The following KIAA0513 variants were observed in gnomAD, a reference collection of about 807,000 sequenced individuals.
KIAA0513 encodes the protein KIAA0513.
Under a neutral mutation model 56.5 loss-of-function variants are expected in KIAA0513, and 39 were observed. The observed-to-expected ratio is 0.69, with a 90% CI of 0.53 to 0.90. KIAA0513 has a LOEUF of 0.90. KIAA0513 is among the 40% of genes least tolerant of loss of function. The pLI is 0.00. For missense variants in KIAA0513, 591 were observed against 535.2 expected (o/e 1.10, Z -1.03); for synonymous variants, 268 against 215.6 (o/e 1.24, Z -2.13).
At chr16:85,032,015 G>C (rs1229390267) in intron 1 of KIAA0513, among the ~76,000 whole-genome samples, 1 of 152,120 alleles carries the variant, frequency 6.6e-6, no homozygotes, top group African/African-American at 2.4e-5. Flanking sequence ...AAAGAACCAC[G>C]CACTGGGGCT....
chr16:85,056,377 G>A (rs1178869630), intron 1 of KIAA0513, among the ~76,000 whole-genome samples: 3 of 152,192 alleles, frequency 2.0e-5, no homozygotes, highest in Non-Finnish European at 4.4e-5. Context: ...AAGCCCGTCA[G>A]TAAGTTCCCC....
intron 1 of KIAA0513, among the ~76,000 whole-genome samples, chr16:85,039,555 C>T (rs947032193): frequency 6.6e-5 from 10 of 152,238 alleles, no homozygotes; most frequent in African/African-American, 1.9e-4. Flanking sequence ...ACTCCCACCT[C>T]AGCCTCCTGA....
intron 1 of KIAA0513, among the ~76,000 whole-genome samples, chr16:85,030,742 T>TAAAAAAAAAAAAAAAAACA (rs56905897): frequency 7.4e-6 from 1 of 134,280 alleles, no homozygotes. Flanking sequence ...AGACTCCATC[T>TAAAAAAAAAAAAAAAAACA]AAAAAAAAAA....
chr16:85,056,069 A>AC (rs1289018866), intron 1 of KIAA0513, among the ~76,000 whole-genome samples: 1 of 152,122 alleles, frequency 6.6e-6, no homozygotes, highest in South Asian at 2.1e-4. Context: ...TTCAGCCCAG[A>AC]CCCCCCTGAA....
chr16:85,067,299 G>A lies in KIAA0513; in HGVS notation c.228G>A (p.Glu76=), dbSNP rs1418043133. 2 of 1,612,936 alleles carry A rather than the reference G, an allele frequency of 1.2e-6. No individual in the cohort carries two copies. Among genetic ancestry groups the A allele is most frequent in the African/African-American group, 2.7e-5 (2 of 74,826 alleles). The stretch of plus-strand genomic sequence containing the variant: ...AAGACCGCCGTTCCTCCTCCAACGA[G>A]TCCTTCTCCTCCAACCAGAGCACCG... ...WDQDRRSSSN[E]SFSSNQSTES... is the part of the protein sequence containing the mutation. Residue 76 remains glutamate (E), a synonymous_variant, in exon 2 of 13, where the codon GAG becomes GAA. Transcript: ENST00000683363.
At chr16:85,082,323 AC>A (rs35579504) in intron 9 of KIAA0513, among the ~76,000 whole-genome samples, 5 of 151,748 alleles carry the variant, frequency 3.3e-5, no homozygotes, top group Non-Finnish European at 1.5e-5. Flanking sequence ...GCCTCGAGAG[AC>A]CCCGCTGTGC....
chr16:85,056,000 G>C (rs2073323607), intron 1 of KIAA0513, among the ~76,000 whole-genome samples: 1 of 152,184 alleles, frequency 6.6e-6, no homozygotes, highest in South Asian at 2.1e-4. Context: ...CCTTGCCAGT[G>C]CTGCAGCTCA....
chr16:85,057,526 G>A (rs1420819271), intron 1 of KIAA0513, among the ~76,000 whole-genome samples: 6 of 152,172 alleles, frequency 3.9e-5, no homozygotes, highest in Non-Finnish European at 7.3e-5. Flanking sequence ...CTGGCACTGT[G>A]AGTTTTCAAC....
chr16:85,034,543 C>T (rs1048447905), intron 1 of KIAA0513, among the ~76,000 whole-genome samples: 2 of 151,956 alleles, frequency 1.3e-5, no homozygotes, highest in African/African-American at 4.8e-5. Context: ...TAGTCTTGTG[C>T]CTTAGACTTC....
chr16:85,076,665 C>G lies in KIAA0513; in HGVS notation c.574+751C>G, dbSNP rs1372380306. ...CCCTCCCACAGCCATCCTCTCCGCA[C>G]CCCTCAGTTCAGTTGGTCCAACTGC... On this transcript the variant is annotated intron_variant, in intron 5 of 12. Transcript: ENST00000683363. The surrounding 1 kb of genome is among the most constrained non-coding windows in gnomAD (Gnocchi z 4.7). Among the ~76,000 whole-genome samples the G allele has an allele frequency of 1.3e-5, 2 of 152,174 alleles. No homozygotes were observed. The highest frequency in any genetic ancestry group is 2.9e-5 in the Non-Finnish European group (2 of 68,022).
chr16:85,034,176 C>T (rs1294327494), intron 1 of KIAA0513, among the ~76,000 whole-genome samples: 19 of 152,006 alleles, frequency 1.2e-4, no homozygotes, highest in Admixed American at 6.6e-4. Context: ...GTCAGGAGTT[C>T]GAGACCAGCC....
intron 1 of KIAA0513, among the ~76,000 whole-genome samples, chr16:85,039,293 C>CT (rs370427236): frequency 1.3e-5 from 2 of 152,146 alleles, no homozygotes; most frequent in African/African-American, 4.8e-5. Context: ...CATCAAAGGT[C>CT]TGTATGATTA....
At chr16:85,032,831 C>T (rs772977392) in intron 1 of KIAA0513, among the ~76,000 whole-genome samples, 11 of 152,040 alleles carry the variant, frequency 7.2e-5, no homozygotes, top group East Asian at 5.8e-4. Context: ...AGGGTTTCAC[C>T]GTGTTAGCCA....
chr16:85,066,964 C>T lies in KIAA0513; in HGVS notation c.-108C>T, dbSNP rs934437451. 5.3e-6 allele frequency: 5 copies of T among 946,654 alleles called. No individual in the cohort carries two copies. The East Asian group carries it at 1.0e-4, about 20-fold the overall frequency. The allele number at this position is 946,654 out of a possible 1,614,324, so 58.6% of individuals were successfully genotyped here. On this transcript the variant is annotated 5_prime_UTR_variant, in exon 2 of 13. Coordinates refer to ENST00000683363, the MANE Select transcript of KIAA0513 (RefSeq NM_001388359.1). ...CTTGGTAGCCGGCAGTTACTGGCAA[C>T]TTGTGAGCTTGGTGGGCTCCTACTA...
At chr16:85,054,099 G>A (rs2073293739) in intron 1 of KIAA0513, among the ~76,000 whole-genome samples, 3 of 152,170 alleles carry the variant, frequency 2.0e-5, no homozygotes, top group South Asian at 4.2e-4. Context: ...GGTGGAGGTT[G>A]CAGTGAGCTG....
chr16:85,055,875 C>G (rs748921841), intron 1 of KIAA0513, among the ~76,000 whole-genome samples: 6 of 152,188 alleles, frequency 3.9e-5, no homozygotes, highest in Non-Finnish European at 5.9e-5. Context: ...AGCCAGCCTC[C>G]CAACAAGCGT....
At chr16:85,054,645 G>C (rs2073302619) in intron 1 of KIAA0513, among the ~76,000 whole-genome samples, 1 of 151,856 alleles carries the variant, frequency 6.6e-6, no homozygotes, top group Non-Finnish European at 1.5e-5. Flanking sequence ...AGCCAAGCTG[G>C]TCTCGAACTC....
At chr16:85,047,236 C>G (rs1185152072) in intron 1 of KIAA0513, among the ~76,000 whole-genome samples, 2 of 152,230 alleles carry the variant, frequency 1.3e-5, no homozygotes, top group African/African-American at 4.8e-5. Flanking sequence ...CATGCTCCGT[C>G]CTAACCTTCA....
intron 10 of KIAA0513, 41 bp downstream of exon 10, chr16:85,082,634 G>C: frequency 1.9e-6 from 3 of 1,609,840 alleles, no homozygotes; most frequent in Non-Finnish European, 2.6e-6. Context: ...TTACAGTGCG[G>C]GCTCCTGCGA....
Sources: gnomAD v4.1 joint callset for allele counts (sites outside exome capture counted in the v4.1 genomes callset) on GRCh38, gnomAD v4.1.1 for gene constraint, Gnocchi (gnomAD v3.1) non-coding constraint, MANE v1.5 for transcripts, NCBI Gene and HGNC (gene_info 2026-07-23, HGNC 2026-07-21) for gene names.